Variants in MED12L observed in about 807,000 individuals in gnomAD.
The protein encoded by MED12L is mediator of RNA polymerase II transcription subunit 12-like protein.
A neutral mutation model predicts 281.3 loss-of-function variants in MED12L; 60 were observed. The observed-to-expected ratio is 0.21, with a 90% CI of 0.17 to 0.26. The LOEUF (loss-of-function observed/expected upper bound fraction) is 0.26. MED12L is among the 10% of genes least tolerant of loss of function. MED12L has a pLI of 1.00. For synonymous variants in MED12L, 974 were observed against 987.2 expected, an observed-to-expected ratio of 0.99 and a Z score of 0.25; for missense variants, 2,146 against 2,680.9, an observed-to-expected ratio of 0.80 and a Z score of 4.41.
intron 43 of MED12L, among the ~76,000 whole-genome samples, chr3:151,427,070 G>A (rs1219240002): frequency 1.3e-5 from 2 of 152,062 alleles, no homozygotes; most frequent in Non-Finnish European, 2.9e-5. Context: ...TGCTCGCCTT[G>A]GCCTCTCAGG....
At position 151,343,840 on chromosome 3, in the gene MED12L, T is replaced by C. The variant is rs570831016; in HGVS notation, c.2251-6219T>C. Among the ~76,000 whole-genome samples, 20 of 152,322 alleles carry C rather than the reference T, an allele frequency of 1.3e-4. No homozygotes were observed. In the South Asian group the frequency reaches 1.7e-3, roughly 13 times the overall value. ...TCAAATGGGATTACTCTGAAACCTGTAGTCTTTTGGAACTGGGCAGGAGGA... is the reference window on the plus strand; with the variant it reads ...TCAAATGGGATTACTCTGAAACCTGCAGTCTTTTGGAACTGGGCAGGAGGA... On this transcript the variant is annotated intron_variant, in intron 16 of 44. Transcript: ENST00000687756.
At chr3:151,221,870 C>T (rs1490923888) in intron 16 of MED12L, among the ~76,000 whole-genome samples, 1 of 152,182 alleles carries the variant, frequency 6.6e-6, no homozygotes. Context: ...GGCCAACATC[C>T]TCCACACTCC....
chr3:151,126,733 T>C (rs1462086162), intron 4 of MED12L, among the ~76,000 whole-genome samples: 1 of 152,218 alleles, frequency 6.6e-6, no homozygotes, highest in Non-Finnish European at 1.5e-5. Context: ...ATCCATGGCC[T>C]GAAAGCACTT....
chr3:151,303,377 A>T (rs1187312778), intron 16 of MED12L, among the ~76,000 whole-genome samples: 1 of 152,028 alleles, frequency 6.6e-6, no homozygotes, highest in Non-Finnish European at 1.5e-5. Context: ...TGGAGCTTGG[A>T]GAAGTACTCC....
At chr3:151,392,936 G>A (rs112673823) in intron 38 of MED12L, among the ~76,000 whole-genome samples, 1,976 of 152,254 alleles carry the variant, frequency 0.013, 25 homozygotes, top group African/African-American at 0.026. Context: ...CTGTAAATGA[G>A]TCTCTTTTTA....
At chr3:151,141,405 T>A (rs1410291315) in intron 5 of MED12L, among the ~76,000 whole-genome samples, 1 of 152,130 alleles carries the variant, frequency 6.6e-6, no homozygotes, top group African/African-American at 2.4e-5. Context: ...TAAAAAAGGT[T>A]TATCAAGAGT....
chr3:151,219,031 G>T (rs1728809704), intron 16 of MED12L, among the ~76,000 whole-genome samples: 1 of 152,078 alleles, frequency 6.6e-6, no homozygotes, highest in African/African-American at 2.4e-5. Flanking sequence ...TGTCACTTTG[G>T]AGACTTTGGT....
chr3:151,332,831 AT>A (rs1182541381), intron 16 of MED12L, among the ~76,000 whole-genome samples: 1 of 152,030 alleles, frequency 6.6e-6, no homozygotes, highest in Non-Finnish European at 1.5e-5. Flanking sequence ...TGTACAGATT[AT>A]TTTGTCACCC....
At chr3:151,180,466 T>TA (rs1439817139) in intron 11 of MED12L, among the ~76,000 whole-genome samples, 7 of 152,220 alleles carry the variant, frequency 4.6e-5, no homozygotes, top group Non-Finnish European at 8.8e-5. Context: ...ACAAGATCTT[T>TA]AAAATTTTTG....
intron 3 of MED12L, among the ~76,000 whole-genome samples, chr3:151,117,915 A>T (rs576572395): frequency 6.6e-6 from 1 of 152,064 alleles, no homozygotes; most frequent in South Asian, 2.1e-4. Flanking sequence ...ACATGGTGAA[A>T]CCCTGTCTCT....
In MED12L at chr3:151,289,950, G is replaced by A. The variant is rs138252056; in HGVS notation, c.2251-60109G>A. Among the ~76,000 whole-genome samples, 212 of 151,750 alleles carry A rather than the reference G, an allele frequency of 1.4e-3. 1 individual carries two copies. The highest frequency in any genetic ancestry group is 1.8e-3 in the Non-Finnish European group (122 of 67,932). On this transcript the variant is annotated intron_variant, in intron 16 of 44. Coordinates refer to ENST00000687756, the MANE Select transcript of MED12L (RefSeq NM_001393769.1). ...GGCTGGGGTGCAGTGGTGCGATCTCGGATCACTGCAACCTCCGCCTCCCAG... is the reference window on the plus strand; with the variant it reads ...GGCTGGGGTGCAGTGGTGCGATCTCAGATCACTGCAACCTCCGCCTCCCAG...
At chr3:151,376,755 C>T in intron 28 of MED12L, 45 bp from the exon 29 acceptor site, 2 of 1,456,138 alleles carry the variant, frequency 1.4e-6, no homozygotes, top group South Asian at 2.3e-5. Context: ...TGTATTTTAA[C>T]ACATTTGATA....
At chr3:151,258,511 CA>C in intron 16 of MED12L, among the ~76,000 whole-genome samples, 1 of 152,256 alleles carries the variant, frequency 6.6e-6, no homozygotes, top group Non-Finnish European at 1.5e-5. Flanking sequence ...AGAATTTTCA[CA>C]TTCTTAGCTG....
chr3:151,158,673 T>G lies in MED12L; in HGVS notation c.727-16T>G. 1.9e-6 allele frequency: 3 copies of G among 1,541,820 alleles called. No homozygotes were observed. Among genetic ancestry groups the G allele is most frequent in the Non-Finnish European group, 2.7e-6 (3 of 1,120,346 alleles). On this transcript the variant is annotated splice_polypyrimidine_tract_variant and intron_variant, in intron 6 of 44. Coordinates refer to ENST00000687756, the MANE Select transcript of MED12L (RefSeq NM_001393769.1). ...TCTTTAACATTATTAATGTAATTTT[T>G]CTTTGTTCATTTAAGGAAGGAATGT... is the stretch of plus-strand genomic sequence containing the variant.
intron 14 of MED12L, among the ~76,000 whole-genome samples, chr3:151,191,996 AC>A (rs1200957088): frequency 6.6e-6 from 1 of 152,172 alleles, no homozygotes; most frequent in Non-Finnish European, 1.5e-5. Flanking sequence ...ACAATTAAAA[AC>A]CTGGTATTAG....
At chr3:151,183,812 G>T (rs1722967842) in intron 11 of MED12L, among the ~76,000 whole-genome samples, 1 of 152,052 alleles carries the variant, frequency 6.6e-6, no homozygotes, top group South Asian at 2.1e-4. Context: ...TAATCCTGAA[G>T]ATGCAGGAGA....
chr3:151,087,262 TGCCGGGCCTTGCACGGCGCC>T (rs907627571), intron 2 of MED12L, among the ~76,000 whole-genome samples: 18 of 152,342 alleles, frequency 1.2e-4, no homozygotes, highest in Non-Finnish European at 1.8e-4. Context: ...GCTTTCCCGT[TGCCGGGCCTTGCACGGCGCC>T]GCCGGGCGCT....
At chr3:151,243,100 G>A (rs1326991769) in intron 16 of MED12L, among the ~76,000 whole-genome samples, 1 of 151,430 alleles carries the variant, frequency 6.6e-6, no homozygotes, top group Non-Finnish European at 1.5e-5. Flanking sequence ...AAGCCTCCAA[G>A]AAATATGGGG....
intron 16 of MED12L, among the ~76,000 whole-genome samples, chr3:151,307,525 A>T (rs1245524210): frequency 7.0e-6 from 1 of 143,476 alleles, no homozygotes; most frequent in Non-Finnish European, 1.5e-5. Flanking sequence ...GACCTCAGGT[A>T]ACTTGCTCTG....
Sources: allele counts gnomAD v4.1 joint callset (sites outside exome capture counted in the v4.1 genomes callset), GRCh38; gene constraint gnomAD v4.1.1; transcripts MANE v1.5; gene names NCBI Gene and HGNC (gene_info 2026-07-23, HGNC 2026-07-21).